LGR4: variants seen among roughly 807,000 people sequenced by gnomAD.
The protein encoded by LGR4 is leucine-rich repeat-containing G protein-coupled receptor 4.
A neutral mutation model predicts 84.8 loss-of-function variants in LGR4; 44 were observed. The ratio of observed to expected loss-of-function variants is 0.52; its 90% CI spans 0.41 to 0.67. LGR4 has a LOEUF of 0.67. Among genes scored for constraint, LGR4 ranks in the 30% least tolerant of loss-of-function variants. The pLI, the probability that LGR4 is intolerant of heterozygous loss-of-function variation, is 0.00. For missense variants in LGR4, 1,032 were observed against 1,131.4 expected (o/e 0.91, Z 1.26); for synonymous variants, 429 against 434.3 (o/e 0.99, Z 0.15).
intron 2 of LGR4, 129 bp downstream of exon 2, chr11:27,412,660 T>C: frequency 1.4e-6 from 1 of 712,554 alleles, no homozygotes; most frequent in Admixed American, 2.2e-5. Context: ...GATTTCCTCC[T>C]CACAAAGCCC....
rs1862896283 is a variant in LGR4, at chr11:27,372,146, TGA to T, written c.1495+135_1495+136del. 4 of 662,790 alleles carry T rather than the reference TGA, an allele frequency of 6.0e-6. No individual in the cohort carries two copies. The South Asian group carries it at 7.2e-5, about 12-fold the overall frequency. 41.1% of individuals were successfully genotyped at this position (662,790 alleles called of 1,614,324 possible). A position where few individuals can be genotyped will look rare whatever the true frequency, so the allele number is the denominator to read the frequency against. On this transcript the variant is annotated intron_variant, in intron 16 of 17. Transcript: ENST00000379214. ...TCCCTAAGTGCTGAGATTACAGGCA[TGA>T]GCCATCACACCTGGCCAGACAATGC...
At chr11:27,422,989 C>T (rs1458529230) in intron 1 of LGR4, among the ~76,000 whole-genome samples, 1 of 152,126 alleles carries the variant, frequency 6.6e-6, no homozygotes, top group African/African-American at 2.4e-5. Context: ...TAGAAGTATA[C>T]ATTAACATCG....
At position 27,472,138 on chromosome 11, in the gene LGR4, G is replaced by A. The variant is rs1385556023; in HGVS notation, c.165C>T (p.Leu55=). The A allele has an allele frequency of 2.4e-5, 33 of 1,375,552 alleles. No individual in the cohort carries two copies. The highest frequency in any genetic ancestry group is 3.0e-5 in the Non-Finnish European group (32 of 1,063,350). The allele number at this position is 1,375,552 out of a possible 1,614,324, so 85.2% of individuals were successfully genotyped here. ...GKGLTAVPEG[L]SAFTQALDIS... ...CTCACAGCGCTTGGGTGAAGGCGCT[G>A]AGCCCCTCGGGCACGGCCGTCAGCC... The change falls in exon 1 of 18, where the codon CTC becomes CTT. Residue 55 remains leucine, a synonymous_variant. Coordinates refer to ENST00000379214, the MANE Select transcript of LGR4 (RefSeq NM_018490.5).
At chr11:27,455,576 G>C (rs1864559910) in intron 1 of LGR4, among the ~76,000 whole-genome samples, 1 of 152,204 alleles carries the variant, frequency 6.6e-6, no homozygotes, top group South Asian at 2.1e-4. Context: ...TAGATCCACT[G>C]CATTAGATGA....
At chr11:27,463,946 G>A (rs1183094757) in intron 1 of LGR4, among the ~76,000 whole-genome samples, 1 of 152,184 alleles carries the variant, frequency 6.6e-6, no homozygotes, top group Non-Finnish European at 1.5e-5. Flanking sequence ...CAACTGAAGA[G>A]CAATTATCAC....
intron 2 of LGR4, among the ~76,000 whole-genome samples, chr11:27,399,946 G>A (rs1275983068): frequency 6.6e-6 from 1 of 152,144 alleles, no homozygotes; most frequent in Non-Finnish European, 1.5e-5. Flanking sequence ...ACTGAAAGAG[G>A]TACACTGGTT....
At chr11:27,395,100 A>G (rs2133381425) in intron 2 of LGR4, among the ~76,000 whole-genome samples, 1 of 152,282 alleles carries the variant, frequency 6.6e-6, no homozygotes, top group East Asian at 1.9e-4. Context: ...CAAAGTGCTT[A>G]AAAGGTCACA....
At chr11:27,412,960 G>C (rs759856082) in intron 1 of LGR4, 100 bp from the exon 2 acceptor site, 3 of 780,010 alleles carry the variant, frequency 3.8e-6, no homozygotes, top group Non-Finnish European at 6.6e-6. Context: ...TTTTGTGAAA[G>C]AGCATAGAAG....
At chr11:27,403,226 T>C (rs1863537821) in intron 2 of LGR4, among the ~76,000 whole-genome samples, 1 of 152,188 alleles carries the variant, frequency 6.6e-6, no homozygotes, top group Non-Finnish European at 1.5e-5. Context: ...GTCCCAATAC[T>C]TTGGGAGGCC....
At chr11:27,384,067 C>T (rs1863145450) in intron 6 of LGR4, among the ~76,000 whole-genome samples, 1 of 152,156 alleles carries the variant, frequency 6.6e-6, no homozygotes, top group Admixed American at 6.5e-5. Context: ...ACCAACATTT[C>T]TGGAAAGGTA....
At chr11:27,471,927 A>C (rs1864880541) in intron 1 of LGR4, 191 bp downstream of exon 1, 3 of 367,240 alleles carry the variant, frequency 8.2e-6, no homozygotes, top group Non-Finnish European at 1.4e-5. Context: ...GGACTAGCAA[A>C]GTGCGGAAAG....
chr11:27,472,004 C>T (rs1864882447), intron 1 of LGR4, 114 bp downstream of exon 1: 1 of 737,598 alleles, frequency 1.4e-6, no homozygotes, highest in African/African-American at 1.9e-5. Flanking sequence ...CTCCCCAGGC[C>T]CGGGCGGCGG....
At chr11:27,431,332 T>C (rs957041419) in intron 1 of LGR4, among the ~76,000 whole-genome samples, 1 of 152,184 alleles carries the variant, frequency 6.6e-6, no homozygotes, top group African/African-American at 2.4e-5. Context: ...CACATTCACA[T>C]GTGAGAACCA....
chr11:27,398,812 C>A (rs1274632254), intron 2 of LGR4, among the ~76,000 whole-genome samples: 5 of 152,160 alleles, frequency 3.3e-5, no homozygotes, highest in Non-Finnish European at 7.3e-5. Flanking sequence ...CCCGTCAAGT[C>A]CTGCCTGAAA....
intron 2 of LGR4, among the ~76,000 whole-genome samples, chr11:27,408,119 ATG>A (rs1373693242): frequency 1.3e-5 from 2 of 152,172 alleles, no homozygotes; most frequent in Non-Finnish European, 1.5e-5. Flanking sequence ...GACATATGTT[ATG>A]TGTGTGTGTA....
intron 2 of LGR4, among the ~76,000 whole-genome samples, chr11:27,401,654 C>T (rs1450994151): frequency 1.3e-5 from 2 of 152,174 alleles, no homozygotes; most frequent in African/African-American, 2.4e-5. Flanking sequence ...TAAATAAGGA[C>T]AGTTCATTAA....
intron 1 of LGR4, among the ~76,000 whole-genome samples, chr11:27,469,034 A>C (rs1484730664): frequency 6.6e-6 from 1 of 152,184 alleles, no homozygotes; most frequent in Non-Finnish European, 1.5e-5. Flanking sequence ...CTTCTGATTA[A>C]ACTTCGGAAT....
In LGR4 at chr11:27,412,853, T is replaced by A; in HGVS notation, c.193A>T (p.Ser65Cys). 1.3e-6 allele frequency: 2 copies of A among 1,596,042 alleles called. No individual in the cohort carries two copies. The highest frequency in any genetic ancestry group is 1.7e-6 in the Non-Finnish European group (2 of 1,164,292). The change falls in exon 2 of 18, where the codon AGT becomes TGT. Residue 65 changes from serine to cysteine, a missense_variant. By Grantham distance (112) the Ser-to-Cys change is moderately radical. Coordinates refer to ENST00000379214, the MANE Select transcript of LGR4 (RefSeq NM_018490.5). Reference sequence around the variant, plus strand: ...GGCAACTGAGTAATGTTGTTCATACTGATATCCCTGGAAAACGTAAAGTTA... The same window carrying A: ...GGCAACTGAGTAATGTTGTTCATACAGATATCCCTGGAAAACGTAAAGTTA... ...LSAFTQALDI[S>C]MNNITQLPED...
chr11:27,412,935 A>G, intron 1 of LGR4, 75 bp from the exon 2 acceptor site: 2 of 975,498 alleles, frequency 2.1e-6, no homozygotes, highest in Middle Eastern at 2.5e-4. Context: ...ACAGAAAACT[A>G]ACTAGGTGTT....
Sources: allele counts gnomAD v4.1 joint callset (sites outside exome capture counted in the v4.1 genomes callset), GRCh38; gene constraint gnomAD v4.1.1; transcripts MANE v1.5; gene names NCBI Gene and HGNC (gene_info 2026-07-23, HGNC 2026-07-21).